IMMT: variants seen among roughly 807,000 people sequenced by gnomAD.
IMMT encodes the protein MICOS complex subunit MIC60.
Under a neutral mutation model 92.7 loss-of-function variants are expected in IMMT, and 40 were observed. That is an observed-to-expected ratio of 0.43 (90% CI 0.34 to 0.56). The LOEUF (loss-of-function observed/expected upper bound fraction) is 0.56. Among genes scored for constraint, IMMT ranks in the 20% least tolerant of loss-of-function variants. The pLI, the probability that IMMT is intolerant of heterozygous loss-of-function variation, is 0.03. For synonymous variants in IMMT, 322 were observed against 336.1 expected (o/e 0.96, Z 0.46); for missense variants, 831 against 912.1 (o/e 0.91, Z 1.14).
chr2:86,157,773 A>C (rs1355013019), intron 10 of IMMT, among the ~76,000 whole-genome samples: 1 of 143,672 alleles, frequency 7.0e-6, no homozygotes, highest in Non-Finnish European at 1.5e-5. Context: ...GGGCAACAAG[A>C]GTAAAACTTT....
chr2:86,160,922 C>T (rs1258368086), intron 8 of IMMT, among the ~76,000 whole-genome samples: 4 of 152,048 alleles, frequency 2.6e-5, no homozygotes, highest in Admixed American at 6.5e-5. Context: ...TAATCCAAAG[C>T]GAAACTGACT....
chr2:86,179,917 C>T (rs1672304220), intron 2 of IMMT, among the ~76,000 whole-genome samples: 2 of 102,956 alleles, frequency 1.9e-5, no homozygotes, highest in Non-Finnish European at 2.1e-5. Context: ...CTCTACCCAC[C>T]ACACCCTGCC....
At chr2:86,153,710 A>T (rs1675651468) in intron 10 of IMMT, 136 bp from the exon 11 acceptor site, 2 of 477,246 alleles carry the variant, frequency 4.2e-6, no homozygotes, top group Non-Finnish European at 7.6e-6. Context: ...TTAATACTGG[A>T]AAATGAAATG....
chr2:86,182,061 GTTTTAAT>G (rs758253142), intron 1 of IMMT, among the ~76,000 whole-genome samples: 4 of 151,636 alleles, frequency 2.6e-5, no homozygotes, highest in Non-Finnish European at 5.9e-5. Flanking sequence ...CTTGTGATTG[GTTTTAAT>G]AAGAGTAAAA....
intron 7 of IMMT, among the ~76,000 whole-genome samples, chr2:86,165,435 CT>C (rs768384437): frequency 6.5e-4 from 99 of 152,294 alleles, no homozygotes; most frequent in Non-Finnish European, 1.2e-3. Context: ...GTTGTAGTTT[CT>C]TGCTACTAAC....
chr2:86,171,284 A>T lies in IMMT; in HGVS notation c.483T>A (p.Pro161=). 1 of 1,610,124 alleles carries T rather than the reference A, an allele frequency of 6.2e-7. No individual in the cohort carries two copies. Among genetic ancestry groups the T allele is most frequent in the Non-Finnish European group, 8.5e-7 (1 of 1,177,804 alleles). Residue 161 remains proline, a synonymous_variant, in exon 5 of 15, where the codon CCT becomes CCA. Transcript: ENST00000410111. ...TTAAAGATTCCTCAGGCTGAACTGC[A>T]GGGGCTGGGACCGACAGGGTATCAC... ...AAGDTLSVPA[P]AVQPEESLKT...
intron 3 of IMMT, among the ~76,000 whole-genome samples, chr2:86,177,665 C>A (rs948855039): frequency 6.6e-6 from 1 of 152,134 alleles, no homozygotes. Flanking sequence ...CACAAAGTTA[C>A]AGGAATAGTA....
chr2:86,189,943 T>C (rs1385401930), intron 1 of IMMT, among the ~76,000 whole-genome samples: 1 of 152,254 alleles, frequency 6.6e-6, no homozygotes, highest in African/African-American at 2.4e-5. Context: ...ACATATTCTA[T>C]TCTAGGAGAA....
rs1676120657 is a variant in IMMT, at chr2:86,159,597, A to G, written c.971T>C (p.Ile324Thr). 3 of 1,602,812 alleles carry G rather than the reference A, an allele frequency of 1.9e-6. No individual in the cohort carries two copies. The highest frequency in any genetic ancestry group is 2.2e-5 in the East Asian group (1 of 44,666). The change falls in exon 9 of 15, where the codon ATA becomes ACA. Residue 324 changes from isoleucine to threonine, a missense_variant. Transcript: ENST00000410111. ...GTGAAGTTTACCCTCTGCAGCAGTT[A>G]TATGAGGCTTGGCCCCAGCAACCTC... ...KKEVAGAKPH[I>T]TAAEGKLHNM...
chr2:86,150,560 A>G (rs1675391990), intron 12 of IMMT, among the ~76,000 whole-genome samples: 1 of 152,214 alleles, frequency 6.6e-6, no homozygotes, highest in Non-Finnish European at 1.5e-5. Context: ...CAGCCTGTGG[A>G]CACCTATTTA....
chr2:86,166,076 A>T (rs1676652468), intron 7 of IMMT, among the ~76,000 whole-genome samples: 1 of 152,268 alleles, frequency 6.6e-6, no homozygotes. Flanking sequence ...TCACGCCTGT[A>T]ATCCCAACAT....
chr2:86,162,356 T>TC (rs11409392), intron 7 of IMMT, among the ~76,000 whole-genome samples: 5 of 150,684 alleles, frequency 3.3e-5, no homozygotes, highest in Non-Finnish European at 5.9e-5. Flanking sequence ...TTTTTTTTTT[T>TC]AAGATTCTCA....
rs1180439570 is a variant in IMMT at position 86,195,411 on chromosome 2, G to A, written c.-29C>T. On this transcript the variant is annotated 5_prime_UTR_variant, in exon 1 of 15. Coordinates refer to ENST00000410111, the MANE Select transcript of IMMT (RefSeq NM_006839.3). ...GGTCAAGCGGACGGCGCTGCTGGTGGACTCGAGCTGCCGCGGCGGCGCGAG... is the reference window on the plus strand; with the variant it reads ...GGTCAAGCGGACGGCGCTGCTGGTGAACTCGAGCTGCCGCGGCGGCGCGAG... 5 of 1,544,538 alleles carry A rather than the reference G, an allele frequency of 3.2e-6. No individual in the cohort carries two copies. The highest frequency in any genetic ancestry group is 3.5e-6 in the Non-Finnish European group (4 of 1,144,336).
intron 3 of IMMT, among the ~76,000 whole-genome samples, chr2:86,178,249 C>T (rs1023269163): frequency 8.6e-5 from 12 of 140,186 alleles, no homozygotes; most frequent in African/African-American, 2.4e-4. Flanking sequence ...ACCCGGGAGG[C>T]GGAACTTGCA....
At chr2:86,185,186 A>G (rs1672692044) in intron 1 of IMMT, among the ~76,000 whole-genome samples, 1 of 152,052 alleles carries the variant, frequency 6.6e-6, no homozygotes, top group Non-Finnish European at 1.5e-5. Context: ...AAAAAAACAA[A>G]AGAGTTCCAA....
In IMMT at chr2:86,144,877, A is replaced by G; in HGVS notation, c.1668T>C (p.His556=). ...LRGIEQAVQS[H]AVAEEEARKA... is the part of the protein sequence containing the mutation. ...TTCTGGCTTCCTCTTCAGCAACTGC[A>G]TGGCCTACAAAGAAAAAAAGGCAAA... The change falls in exon 15 of 15, where the codon CAT becomes CAC. Residue 556 remains histidine, a synonymous_variant. Coordinates refer to ENST00000410111, the MANE Select transcript of IMMT (RefSeq NM_006839.3). The G allele has an allele frequency of 5.7e-6, 9 of 1,590,664 alleles. No individual in the cohort carries two copies. Among genetic ancestry groups the G allele is most frequent in the Non-Finnish European group, 7.7e-6 (9 of 1,170,042 alleles).
intron 2 of IMMT, 98 bp from the exon 3 acceptor site, chr2:86,179,720 C>T (rs1677696115): frequency 2.3e-6 from 2 of 886,604 alleles, no homozygotes; most frequent in Non-Finnish European, 3.3e-6. Context: ...CTAGCCTCTA[C>T]TTATCTACCA....
intron 1 of IMMT, among the ~76,000 whole-genome samples, chr2:86,191,871 C>T (rs765409361): frequency 2.6e-5 from 4 of 151,132 alleles, no homozygotes; most frequent in Non-Finnish European, 5.9e-5. Flanking sequence ...GCTGAAATGG[C>T]GCCACTGCAC....
At chr2:86,161,806 G>T in intron 8 of IMMT, 170 bp downstream of exon 8, 1 of 538,118 alleles carries the variant, frequency 1.9e-6, no homozygotes, top group Non-Finnish European at 3.4e-6. Flanking sequence ...GAGCCACCGT[G>T]CCCGGCCTGT....
Sources: allele counts gnomAD v4.1 joint callset (sites outside exome capture counted in the v4.1 genomes callset), GRCh38; gene constraint gnomAD v4.1.1; transcripts MANE v1.5; gene names NCBI Gene and HGNC (gene_info 2026-07-23, HGNC 2026-07-21).